Variants in ROCK1 observed in about 807,000 individuals in gnomAD.
ROCK1 encodes the protein Rho associated coiled-coil containing protein kinase 1.
Under a neutral mutation model 196.8 loss-of-function variants are expected in ROCK1, and 36 were observed. The ratio of observed to expected loss-of-function variants is 0.18; its 90% CI spans 0.14 to 0.24. The LOEUF (loss-of-function observed/expected upper bound fraction) is 0.24. ROCK1 is among the 10% of genes least tolerant of loss of function. ROCK1 has a pLI of 1.00. For synonymous variants in ROCK1, 443 were observed against 515.9 expected (o/e 0.86, Z 1.91); for missense variants, 920 against 1,562.0 (o/e 0.59, Z 6.93).
At chr18:20,991,052 G>T (rs2035620975) in intron 18 of ROCK1, 124 bp downstream of exon 18, 1 of 742,360 alleles carries the variant, frequency 1.3e-6, no homozygotes, top group African/African-American at 1.8e-5. Context: ...GAGCCACTGT[G>T]CCAGGCCTAT....
At chr18:21,001,044 T>C (rs1024482433) in intron 16 of ROCK1, among the ~76,000 whole-genome samples, 11 of 152,302 alleles carry the variant, frequency 7.2e-5, no homozygotes, top group Middle Eastern at 3.4e-3. Context: ...CATCAACAGA[T>C]GAATGGCTAA....
At chr18:20,981,425 T>G (rs1717644580) in intron 21 of ROCK1, among the ~76,000 whole-genome samples, 1 of 152,102 alleles carries the variant, frequency 6.6e-6, no homozygotes, top group Non-Finnish European at 1.5e-5. Flanking sequence ...CAAATAAGAT[T>G]TATCAAGTAT....
At chr18:20,965,104 AG>A (rs1462985069) in intron 27 of ROCK1, among the ~76,000 whole-genome samples, 5 of 152,194 alleles carry the variant, frequency 3.3e-5, no homozygotes, top group African/African-American at 1.2e-4. Flanking sequence ...AAATAGAGCA[AG>A]GTCGGCCAGG....
chr18:21,013,495 A>C (rs1013818255), intron 13 of ROCK1, among the ~76,000 whole-genome samples: 2 of 152,198 alleles, frequency 1.3e-5, no homozygotes, highest in African/African-American at 4.8e-5. Flanking sequence ...TTTTCAGTGG[A>C]AAGTTCTGAC....
At chr18:21,049,916 T>C in intron 2 of ROCK1, 36 bp from the exon 3 acceptor site, 1 of 1,222,962 alleles carries the variant, frequency 8.2e-7, no homozygotes, top group Non-Finnish European at 1.2e-6. Context: ...TTTAAATCAC[T>C]AAAGCATTAC....
At chr18:21,078,341 T>TACACACACAC (rs59499705) in intron 1 of ROCK1, among the ~76,000 whole-genome samples, 67 of 128,840 alleles carry the variant, frequency 5.2e-4, no homozygotes, top group African/African-American at 2.0e-3. Context: ...AACACCCACC[T>TACACACACAC]ACACACACAC....
chr18:21,060,763 TG>T (rs1226966069), intron 2 of ROCK1, among the ~76,000 whole-genome samples: 1 of 136,264 alleles, frequency 7.3e-6, no homozygotes, highest in Non-Finnish European at 1.5e-5. Flanking sequence ...TGCTTGAACC[TG>T]GGAGGTGGAG....
intron 1 of ROCK1, among the ~76,000 whole-genome samples, chr18:21,072,075 A>G (rs771183804): frequency 1.4e-4 from 21 of 152,248 alleles, no homozygotes; most frequent in Non-Finnish European, 3.1e-4. Flanking sequence ...AAACCTTAAA[A>G]GTAAATCTTA....
At chr18:20,952,398 T>TGAAC (rs1174158335) in intron 32 of ROCK1, among the ~76,000 whole-genome samples, 2 of 148,982 alleles carry the variant, frequency 1.3e-5, no homozygotes, top group African/African-American at 2.5e-5. Flanking sequence ...AATGAATGAA[T>TGAAC]GAATGAATGA....
At position 20,947,651 on chromosome 18, in the gene ROCK1, T is replaced by C. The variant is rs1422246828; in HGVS notation, c.*3733A>G. The C allele has an allele frequency of 1.3e-5, 2 of 152,186 alleles. No individual in the cohort carries two copies. The highest frequency in any genetic ancestry group is 4.8e-5 in the African/African-American group (2 of 41,440). The allele number at this position is 152,186 out of a possible 1,614,324, so 9.4% of individuals were successfully genotyped here. ...TGGGCAACATAATCTCATCGGATTG[T>C]CATTATATGACTATTTATTAACCTA... On this transcript the variant is annotated 3_prime_UTR_variant, in exon 33 of 33. Coordinates refer to ENST00000399799, the MANE Select transcript of ROCK1 (RefSeq NM_005406.3).
chr18:21,025,384 T>C (rs1361938062), intron 10 of ROCK1, among the ~76,000 whole-genome samples: 2 of 152,202 alleles, frequency 1.3e-5, no homozygotes, highest in Non-Finnish European at 2.9e-5. Flanking sequence ...TTCATATCTG[T>C]ATATTCAAAA....
At chr18:21,014,346 C>G (rs2035845253) in intron 13 of ROCK1, among the ~76,000 whole-genome samples, 1 of 152,086 alleles carries the variant, frequency 6.6e-6, no homozygotes, top group Admixed American at 6.5e-5. Context: ...GTTGGTCTGC[C>G]TTCTTTCCAC....
chr18:21,033,854 T>TAAAAAAAAAAAAAAAA (rs71269004), intron 9 of ROCK1, among the ~76,000 whole-genome samples: 3 of 33,464 alleles, frequency 9.0e-5, no homozygotes, highest in African/African-American at 3.2e-4. Context: ...CCGTTTCTAC[T>TAAAAAAAAAAAAAAAA]AAAAAAAAAA....
intron 1 of ROCK1, among the ~76,000 whole-genome samples, chr18:21,096,772 G>A (rs2036616503): frequency 6.6e-6 from 1 of 152,066 alleles, no homozygotes; most frequent in Non-Finnish European, 1.5e-5. Flanking sequence ...AAGGAATGGG[G>A]AAAGGGGAGA....
At chr18:21,078,924 T>G (rs143282465) in intron 1 of ROCK1, among the ~76,000 whole-genome samples, 3 of 152,294 alleles carry the variant, frequency 2.0e-5, no homozygotes, top group South Asian at 2.1e-4. Context: ...TGTAGCTTTC[T>G]TCTAATATTG....
At position 20,984,343 on chromosome 18, in the gene ROCK1, A is replaced by G. The variant is rs1392550565; in HGVS notation, c.2489+8T>C. 1.3e-6 allele frequency: 2 copies of G among 1,578,438 alleles called. No individual in the cohort carries two copies. The highest frequency in any genetic ancestry group is 1.4e-5 in the African/African-American group (1 of 73,228). On this transcript the variant is annotated splice_region_variant and intron_variant, in intron 20 of 32. Coordinates refer to ENST00000399799, the MANE Select transcript of ROCK1 (RefSeq NM_005406.3). ...GAAAGAAATCACAATGTTATTTTAA[A>G]GACTTACTTCGTAAGCTGAGCTAAC... is the stretch of plus-strand genomic sequence containing the variant.
In ROCK1 at chr18:21,008,197, G is replaced by A. The variant is rs770803709; in HGVS notation, c.1411-3C>T. ...TCTAGATTTCTTCTTTGATTTCCCT[G>A]GAATTATAATGATAAAAGTTACCAC... On this transcript the variant is annotated splice_region_variant and splice_polypyrimidine_tract_variant and intron_variant, in intron 13 of 32. Transcript: ENST00000399799. 3.8e-6 allele frequency: 6 copies of A among 1,563,536 alleles called. No individual in the cohort carries two copies. The Admixed American group carries it at 1.1e-4, about 29-fold the overall frequency.
intron 8 of ROCK1, among the ~76,000 whole-genome samples, chr18:21,039,978 A>G (rs1373058391): frequency 6.6e-6 from 1 of 152,148 alleles, no homozygotes; most frequent in African/African-American, 2.4e-5. Context: ...AATCGCTTGA[A>G]CCCGGGAGGC....
In ROCK1 at chr18:20,984,469, T is replaced by G; in HGVS notation, c.2371A>C (p.Lys791Gln). The change falls in exon 20 of 33, where the codon AAG (lysine) becomes CAG (glutamine). Residue 791 changes from lysine to glutamine, a missense_variant. Physicochemically the swap from Lys to Gln is moderately conservative, Grantham distance 53 (BLOSUM62 1). Around this residue, in one of 6 missense-constraint regions of ROCK1, gnomAD observed 520 missense variants for 657.1 expected, o/e 0.79. Transcript: ENST00000399799. ...NKRLLLQNELKTQAFEADNLK... is the reference protein window; with the variant it reads ...NKRLLLQNELQTQAFEADNLK... ...TTGTCTGCCTCAAATGCTTGAGTCTTCAATTCATTTTGTAACAACAGCCGC... is the reference window on the plus strand; with the variant it reads ...TTGTCTGCCTCAAATGCTTGAGTCTGCAATTCATTTTGTAACAACAGCCGC... The G allele has an allele frequency of 6.2e-7, 1 of 1,613,528 alleles. No homozygotes were observed. Among genetic ancestry groups the G allele is most frequent in the South Asian group, 1.1e-5 (1 of 91,056 alleles).
Sources: gnomAD v4.1 joint callset for allele counts (sites outside exome capture counted in the v4.1 genomes callset) on GRCh38, gnomAD v4.1.1 for gene constraint, gnomAD v4.1.1 regional missense constraint, MANE v1.5 for transcripts, NCBI Gene and HGNC (gene_info 2026-07-23, HGNC 2026-07-21) for gene names.